Variants in TTLL11 observed in about 807,000 individuals in gnomAD.
TTLL11 encodes the protein tubulin tyrosine ligase like 11, also known as tubulin polyglutamylase TTLL11.
In TTLL11, 42 loss-of-function variants were observed where a neutral mutation model predicts 51.7. That is an observed-to-expected ratio of 0.81 (90% CI 0.64 to 1.05). The LOEUF is 1.05. Among genes scored for constraint, TTLL11 ranks in the 50% least tolerant of loss-of-function variants. TTLL11 has a pLI of 0.00. For missense variants in TTLL11, 799 were observed against 940.4 expected, an observed-to-expected ratio of 0.85 and a Z score of 1.97; for synonymous variants, 381 against 383.5, an observed-to-expected ratio of 0.99 and a Z score of 0.08.
chr9:122,044,177 A>C (rs1250025374), intron 1 of TTLL11, among the ~76,000 whole-genome samples: 1 of 152,192 alleles, frequency 6.6e-6, no homozygotes, highest in African/African-American at 2.4e-5. Flanking sequence ...GTCCCTATAA[A>C]GGACATGAAC....
rs921909175 is a variant in TTLL11 at position 121,817,467 on chromosome 9, C to T, written c.*5120G>A. The T allele has an allele frequency of 6.6e-6, 1 of 152,226 alleles. No homozygotes were observed. The highest frequency in any genetic ancestry group is 1.5e-5 in the Non-Finnish European group (1 of 68,036). The allele number at this position is 152,226 out of a possible 1,614,324, so 9.4% of individuals were successfully genotyped here. ...CGCCTTCGTTTACAAAACACTTTCA[C>T]ATTGATGACATTTTCTGTGATCTCG... On this transcript the variant is annotated 3_prime_UTR_variant, in exon 9 of 9. Coordinates refer to ENST00000321582, the MANE Select transcript of TTLL11 (RefSeq NM_001139442.2).
At chr9:121,972,804 C>T (rs1437307071) in intron 6 of TTLL11, among the ~76,000 whole-genome samples, 2 of 152,208 alleles carry the variant, frequency 1.3e-5, no homozygotes, top group African/African-American at 4.8e-5. Context: ...GAAAGCTGCC[C>T]AGAGGGTTCT....
Position 121,904,471 on chromosome 9 carries a change from A to G in TTLL11, c.1482-33723T>C, listed in dbSNP as rs147444029. ...ATTACAGGCGTGAGCCACCACGCCC[A>G]GCCCAATACATTCCTACATGTTTAA... On this transcript the variant is annotated intron_variant, in intron 6 of 8. Transcript: ENST00000321582. 6.3e-3 allele frequency among the ~76,000 whole-genome samples: 956 copies of G among 152,324 alleles called. 12 individuals carry two copies. The highest frequency in any genetic ancestry group is 0.052 in the East Asian group (267 of 5,170).
rs552866053 is a variant in TTLL11 at position 121,924,434 on chromosome 9, G to A, written c.1481+49575C>T. Among the ~76,000 whole-genome samples, 6 of 152,364 alleles carry A rather than the reference G, an allele frequency of 3.9e-5. No homozygotes were observed. In the South Asian group the frequency reaches 1.0e-3, roughly 26 times the overall value. On this transcript the variant is annotated intron_variant, in intron 6 of 8. Transcript: ENST00000321582. ...GGCTGACTCCCATTTCCTGAGTTCT[G>A]TATGCTGCCTAATGTTATTTGTTAG...
At chr9:121,955,070 C>T (rs1341887754) in intron 6 of TTLL11, among the ~76,000 whole-genome samples, 1 of 152,114 alleles carries the variant, frequency 6.6e-6, no homozygotes, top group Non-Finnish European at 1.5e-5. Context: ...CTTTCCACAT[C>T]AAAGAGAAGT....
intron 6 of TTLL11, among the ~76,000 whole-genome samples, chr9:121,898,912 T>C (rs1839646144): frequency 6.6e-6 from 1 of 152,216 alleles, no homozygotes; most frequent in Non-Finnish European, 1.5e-5. Context: ...ACCCTCTCCT[T>C]GTCCTCATGC....
rs551285739 is a variant in TTLL11, at chr9:121,981,192, A to G, written c.1270-6213T>C. Among the ~76,000 whole-genome samples, 126 of 151,130 alleles carry G rather than the reference A, an allele frequency of 8.3e-4. 2 individuals are homozygous for G. Among genetic ancestry groups the G allele is most frequent in the Non-Finnish European group, 8.7e-4 (59 of 67,886 alleles). Reference sequence around the variant, plus strand: ...CTGCCCTGGGACTTCAATTACACATATGTTAGACCACCTGATATTGGACCA... The same window carrying G: ...CTGCCCTGGGACTTCAATTACACATGTGTTAGACCACCTGATATTGGACCA... On this transcript the variant is annotated intron_variant, in intron 4 of 8. Coordinates refer to ENST00000321582, the MANE Select transcript of TTLL11 (RefSeq NM_001139442.2).
At chr9:121,886,721 G>A (rs773476117) in intron 6 of TTLL11, among the ~76,000 whole-genome samples, 4 of 152,146 alleles carry the variant, frequency 2.6e-5, no homozygotes, top group Admixed American at 6.5e-5. Flanking sequence ...GTACCCTTGG[G>A]GGTTACTGTG....
chr9:121,887,763 T>C (rs1033366271), intron 6 of TTLL11, among the ~76,000 whole-genome samples: 1 of 152,010 alleles, frequency 6.6e-6, no homozygotes, highest in African/African-American at 2.4e-5. Flanking sequence ...AGAAAGTGCC[T>C]CCCCCGCAGC....
intron 3 of TTLL11, among the ~76,000 whole-genome samples, chr9:122,010,782 G>A (rs1483149259): frequency 6.6e-6 from 1 of 152,144 alleles, no homozygotes; most frequent in Non-Finnish European, 1.5e-5. Context: ...ACTGAAATCT[G>A]CCAAAATGTC....
At chr9:121,954,234 T>C (rs555434208) in intron 6 of TTLL11, among the ~76,000 whole-genome samples, 61 of 152,338 alleles carry the variant, frequency 4.0e-4, no homozygotes, top group Non-Finnish European at 7.5e-4. Flanking sequence ...TGTTGTGTTA[T>C]CATAGGCCAA....
Position 121,821,416 on chromosome 9 carries a change from T to G in TTLL11, c.*1171A>C, listed in dbSNP as rs1306206300. On this transcript the variant is annotated 3_prime_UTR_variant, in exon 9 of 9. Coordinates refer to ENST00000321582, the MANE Select transcript of TTLL11 (RefSeq NM_001139442.2). The surrounding 1 kb of genome is among the most constrained non-coding windows in gnomAD (Gnocchi z 5.0). The stretch of plus-strand genomic sequence containing the variant: ...AGCACGATGACTGACTCTTCCCAGG[T>G]TCCTCAGCATCCTTTAAAGGGATCC... Among the ~76,000 whole-genome samples the G allele has an allele frequency of 6.6e-6, 1 of 152,064 alleles. No individual in the cohort carries two copies. The highest frequency in any genetic ancestry group is 1.5e-5 in the Non-Finnish European group (1 of 68,004).
At chr9:121,976,606 C>A (rs1842718159) in intron 4 of TTLL11, among the ~76,000 whole-genome samples, 1 of 152,222 alleles carries the variant, frequency 6.6e-6, no homozygotes, top group South Asian at 2.1e-4. Context: ...GAGGGAAATC[C>A]ATTTACTAGT....
At chr9:121,990,045 T>G (rs1843066013) in intron 3 of TTLL11, among the ~76,000 whole-genome samples, 1 of 152,244 alleles carries the variant, frequency 6.6e-6, no homozygotes, top group African/African-American at 2.4e-5. Context: ...CGCCAGTTAT[T>G]AGCTACCACT....
intron 6 of TTLL11, among the ~76,000 whole-genome samples, chr9:121,958,966 G>A (rs773329450): frequency 2.5e-5 from 2 of 78,512 alleles, no homozygotes; most frequent in Non-Finnish European, 6.6e-5. Context: ...GCCAGGCATG[G>A]GCACCACTTT....
At chr9:121,846,189 A>G (rs1285946945) in intron 8 of TTLL11, among the ~76,000 whole-genome samples, 1 of 152,224 alleles carries the variant, frequency 6.6e-6, no homozygotes, top group East Asian at 1.9e-4. Flanking sequence ...ATCAGGGATA[A>G]AGGTGAGTAA....
chr9:122,034,620 C>A (rs540452655), intron 2 of TTLL11, among the ~76,000 whole-genome samples: 73 of 152,142 alleles, frequency 4.8e-4, no homozygotes, highest in Non-Finnish European at 9.7e-4. Flanking sequence ...GAGTTTCTGG[C>A]CCCTCACTAG....
intron 1 of TTLL11, among the ~76,000 whole-genome samples, chr9:122,083,887 G>A (rs1446574923): frequency 1.3e-5 from 2 of 152,188 alleles, no homozygotes; most frequent in Non-Finnish European, 1.5e-5. Flanking sequence ...GGAATTAGAG[G>A]GGAGGATGGA....
At chr9:121,932,968 G>A (rs73662534) in intron 6 of TTLL11, among the ~76,000 whole-genome samples, 6,768 of 152,220 alleles carry the variant, frequency 0.044, 174 homozygotes, top group Admixed American at 0.065. Flanking sequence ...CCTGTAAAGA[G>A]GTATGTGAGA....
Sources: gnomAD v4.1 joint callset for allele counts (sites outside exome capture counted in the v4.1 genomes callset) on GRCh38, gnomAD v4.1.1 for gene constraint, Gnocchi (gnomAD v3.1) non-coding constraint, MANE v1.5 for transcripts, NCBI Gene and HGNC (gene_info 2026-07-23, HGNC 2026-07-21) for gene names.